MALRD1: variants seen among roughly 807,000 people sequenced by gnomAD.
MALRD1 encodes MAM and LDL-receptor class A domain-containing protein 1.
A neutral mutation model predicts 242.1 loss-of-function variants in MALRD1; 247 were observed. The ratio of observed to expected loss-of-function variants is 1.02; its 90% confidence interval spans 0.92 to 1.13. The LOEUF (loss-of-function observed/expected upper bound fraction) is 1.13. Ranked by LOEUF, MALRD1 falls within the 50% of genes most tolerant of loss-of-function variation. The pLI, the probability that MALRD1 is intolerant of heterozygous loss-of-function variation, is 0.00. For synonymous variants in MALRD1, 995 were observed against 866.6 expected (o/e 1.15, Z -2.60); for missense variants, 2,989 against 2,533.1 (o/e 1.18, Z -3.86).
At chr10:19,187,016 T>C (rs1835766508) in intron 14 of MALRD1, among the ~76,000 whole-genome samples, 1 of 152,206 alleles carries the variant, frequency 6.6e-6, no homozygotes, top group East Asian at 1.9e-4. Context: ...TCTGATGTGA[T>C]ACAATTATCT....
chr10:19,146,323 CA>C lies in MALRD1; in HGVS notation c.1538del (p.His513ProfsTer5). The C allele has an allele frequency of 8.1e-7, 1 of 1,231,504 alleles. No individual in the cohort carries two copies. The allele number at this position is 1,231,504 out of a possible 1,614,324, so 76.3% of individuals were successfully genotyped here. On this transcript the variant is annotated frameshift_variant, in exon 11 of 40. Coordinates refer to ENST00000454679, the MANE Select transcript of MALRD1 (RefSeq NM_001142308.3). LOFTEE classifies it high-confidence loss of function. ...AGAGCACCACTTTCCTGCAGCTGAT[CA>C]CACAGCAAACATAAATCATGGTAGG... ...NGEHHFPAAD[H>X]TANINHGSFI... is the part of the protein sequence containing the mutation.
intron 29 of MALRD1, among the ~76,000 whole-genome samples, chr10:19,469,822 A>C (rs1305985106): frequency 6.6e-6 from 1 of 151,958 alleles, no homozygotes; most frequent in Non-Finnish European, 1.5e-5. Context: ...AAAAAGCTCT[A>C]TTTAGTGTAT....
Position 19,619,126 on chromosome 10 carries a change from T to C in MALRD1, c.6137+3203T>C, listed in dbSNP as rs145483941. Among the ~76,000 whole-genome samples, 572 of 152,204 alleles carry C rather than the reference T, an allele frequency of 3.8e-3. 7 individuals carry two copies. Among genetic ancestry groups the C allele is most frequent in the African/African-American group, 0.013 (544 of 41,552 alleles). ...AATTTCACGTGTTCTAAAAGACCAG[T>C]TTTCTGGACAGCTCATGTTCTTCTA... is the stretch of plus-strand genomic sequence containing the variant. On this transcript the variant is annotated intron_variant, in intron 36 of 39. Coordinates refer to ENST00000454679, the MANE Select transcript of MALRD1 (RefSeq NM_001142308.3).
intron 29 of MALRD1, among the ~76,000 whole-genome samples, chr10:19,453,747 A>G (rs11010033): frequency 0.29 from 43,516 of 151,848 alleles, 6,954 homozygotes; most frequent in East Asian, 0.47. Flanking sequence ...GTTGTGGCAC[A>G]TGCTTGTAAT....
intron 31 of MALRD1, among the ~76,000 whole-genome samples, chr10:19,522,030 C>T (rs1020313961): frequency 6.6e-6 from 1 of 152,108 alleles, no homozygotes; most frequent in Admixed American, 6.5e-5. Flanking sequence ...GATAAGGCCA[C>T]TCATTTACAA....
chr10:19,047,406 G>C (rs1834365270), upstream of MALRD1, among the ~76,000 whole-genome samples: 1 of 151,628 alleles, frequency 6.6e-6, no homozygotes, highest in South Asian at 2.1e-4. Context: ...TCAGGAAGAA[G>C]TGCATATCAG....
chr10:19,684,220 TA>T (rs1225953762), intron 36 of MALRD1, among the ~76,000 whole-genome samples: 1 of 152,210 alleles, frequency 6.6e-6, no homozygotes, highest in Non-Finnish European at 1.5e-5. Flanking sequence ...TTTGGTGATT[TA>T]CAGCGCCATC....
At chr10:19,669,201 G>A (rs1041852549) in intron 36 of MALRD1, among the ~76,000 whole-genome samples, 3 of 152,210 alleles carry the variant, frequency 2.0e-5, no homozygotes, top group Non-Finnish European at 4.4e-5. Flanking sequence ...GAAGCTAGAA[G>A]TTAATGGAGA....
intron 36 of MALRD1, among the ~76,000 whole-genome samples, chr10:19,682,750 C>T (rs988602134): frequency 6.6e-6 from 1 of 152,118 alleles, no homozygotes; most frequent in African/African-American, 2.4e-5. Context: ...CTGAGGATTA[C>T]CTCAATTTCC....
intron 2 of MALRD1, among the ~76,000 whole-genome samples, chr10:19,074,751 T>C (rs1175481116): frequency 6.6e-6 from 1 of 152,062 alleles, no homozygotes; most frequent in Non-Finnish European, 1.5e-5. Context: ...CTATGCATCA[T>C]TTGCTTTTCA....
intron 21 of MALRD1, among the ~76,000 whole-genome samples, chr10:19,287,387 T>C (rs1424070875): frequency 6.6e-6 from 1 of 152,248 alleles, no homozygotes; most frequent in African/African-American, 2.4e-5. Flanking sequence ...AATTCCTATT[T>C]CTCTCCCTCC....
chr10:19,122,350 G>A (rs1273772524), intron 5 of MALRD1, among the ~76,000 whole-genome samples: 4 of 152,072 alleles, frequency 2.6e-5, no homozygotes, highest in Non-Finnish European at 5.9e-5. Context: ...CATTAGTAAT[G>A]GTAATACTCC....
intron 18 of MALRD1, among the ~76,000 whole-genome samples, chr10:19,249,068 C>CAT (rs891500529): frequency 2.7e-4 from 40 of 148,086 alleles, no homozygotes; most frequent in Middle Eastern, 3.7e-3. Flanking sequence ...TCTCTGTGCA[C>CAT]ATATATATAT....
At chr10:19,541,217 A>G (rs907133187) in intron 32 of MALRD1, among the ~76,000 whole-genome samples, 1 of 152,200 alleles carries the variant, frequency 6.6e-6, no homozygotes, top group East Asian at 1.9e-4. Context: ...GCTGAACTTC[A>G]TGGCCATTGT....
At chr10:19,549,870 T>C (rs1458229783) in intron 32 of MALRD1, among the ~76,000 whole-genome samples, 1 of 152,232 alleles carries the variant, frequency 6.6e-6, no homozygotes, top group African/African-American at 2.4e-5. Context: ...TGGTTCCTAA[T>C]TCCTAACTAT....
intron 28 of MALRD1, among the ~76,000 whole-genome samples, chr10:19,426,472 T>A (rs1326242016): frequency 6.6e-6 from 1 of 152,184 alleles, no homozygotes; most frequent in Admixed American, 6.5e-5. Context: ...GATATATATA[T>A]GTAATTTTTC....
At chr10:19,409,724 T>G (rs1481155074) in intron 28 of MALRD1, among the ~76,000 whole-genome samples, 2 of 152,132 alleles carry the variant, frequency 1.3e-5, no homozygotes, top group African/African-American at 4.8e-5. Flanking sequence ...TTCTTAAAAC[T>G]TCATGTGAAT....
chr10:19,515,100 T>C (rs969332287), intron 31 of MALRD1, among the ~76,000 whole-genome samples: 3 of 152,318 alleles, frequency 2.0e-5, no homozygotes, highest in South Asian at 2.1e-4. Context: ...AAATCTTTTT[T>C]ACTTAACAAA....
At chr10:19,492,377 A>G (rs1286756448) in intron 30 of MALRD1, among the ~76,000 whole-genome samples, 1 of 152,160 alleles carries the variant, frequency 6.6e-6, no homozygotes, top group East Asian at 1.9e-4. Flanking sequence ...GGTCTAGGCC[A>G]CTGTTACATT....
Sources: gnomAD v4.1 joint callset for allele counts (sites outside exome capture counted in the v4.1 genomes callset) on GRCh38, gnomAD v4.1.1 for gene constraint, MANE v1.5 for transcripts, NCBI Gene and HGNC (gene_info 2026-07-23, HGNC 2026-07-21) for gene names.